HDAC11: variants seen among roughly 807,000 people sequenced by gnomAD.
HDAC11 encodes histone deacetylase 11.
HDAC11 carries 23 observed loss-of-function variants against 41.1 expected under a neutral mutation model. The observed-to-expected ratio is 0.56, with a 90% CI of 0.40 to 0.79. The LOEUF is 0.79. Ranked by LOEUF, HDAC11 falls within the 30% of genes least tolerant of loss-of-function variation. HDAC11 has a pLI of 0.00. For missense variants in HDAC11, 402 were observed against 477.3 expected, an observed-to-expected ratio of 0.84 and a Z score of 1.47; for synonymous variants, 187 against 186.6, an observed-to-expected ratio of 1.00 and a Z score of -0.02.
In HDAC11 at chr3:13,480,389, G is replaced by T; in HGVS notation, c.2+40G>T. ...GCGAGGGCGGGGGTGGGCTCCCAGG[G>T]GTCCCGGTGGGCGGGCGCGCTAGGG... is the stretch of plus-strand genomic sequence containing the variant. On this transcript the variant is annotated intron_variant, in intron 1 of 9. Transcript: ENST00000295757. The surrounding 1 kb of genome is among the most constrained non-coding windows in gnomAD (Gnocchi z 4.6). The T allele has an allele frequency of 2.6e-6, 3 of 1,167,126 alleles. No homozygotes were observed. Among genetic ancestry groups the T allele is most frequent in the Non-Finnish European group, 3.2e-6 (3 of 936,182 alleles). The allele number at this position is 1,167,126 out of a possible 1,614,324, so 72.3% of individuals were successfully genotyped here. A position where few individuals can be genotyped will look rare whatever the true frequency, so the allele number is the denominator to read the frequency against.
chr3:13,496,677 C>T, intron 3 of HDAC11, 59 bp from the exon 4 acceptor site: 2 of 1,150,044 alleles, frequency 1.7e-6, no homozygotes, highest in East Asian at 2.6e-5. Context: ...GAACCAATTT[C>T]TCACGGGTTG....
intron 3 of HDAC11, among the ~76,000 whole-genome samples, chr3:13,492,409 C>T (rs374428464): frequency 2.6e-5 from 4 of 152,190 alleles, no homozygotes; most frequent in East Asian, 3.8e-4. Context: ...TGAGCAGACG[C>T]GTGCTGTCCT....
chr3:13,498,391 C>T, intron 4 of HDAC11, 122 bp from the exon 5 acceptor site: 3 of 1,234,520 alleles, frequency 2.4e-6, no homozygotes, highest in Non-Finnish European at 3.5e-6. Context: ...CCTTGTAGCT[C>T]AGCTCATCCT....
intron 3 of HDAC11, among the ~76,000 whole-genome samples, chr3:13,487,579 A>C (rs1280544591): frequency 6.6e-6 from 1 of 152,170 alleles, no homozygotes; most frequent in African/African-American, 2.4e-5. Context: ...TGAGCTCCCC[A>C]GTGCCCCAGC....
chr3:13,487,817 G>A (rs1383097738), intron 3 of HDAC11, among the ~76,000 whole-genome samples: 1 of 152,104 alleles, frequency 6.6e-6, no homozygotes, highest in Non-Finnish European at 1.5e-5. Context: ...GCATTTAGGT[G>A]GGAGAGTCAG....
rs375249479 is a variant in HDAC11, at chr3:13,490,345, A to G, written c.253-6391A>G. ...GCTGTTTGAGGTCCCTTGAGATTCC[A>G]TGTGAATTATAGCATCAACTTCCAT... On this transcript the variant is annotated intron_variant, in intron 3 of 9. Coordinates refer to ENST00000295757, the MANE Select transcript of HDAC11 (RefSeq NM_024827.4). Among the ~76,000 whole-genome samples the G allele has an allele frequency of 4.6e-5, 7 of 152,232 alleles. No individual in the cohort carries two copies. The East Asian group carries it at 7.7e-4, about 17-fold the overall frequency.
intron 2 of HDAC11, among the ~76,000 whole-genome samples, 175 bp downstream of exon 2, chr3:13,481,569 A>G (rs955360204): frequency 2.6e-5 from 4 of 152,044 alleles, no homozygotes; most frequent in Admixed American, 6.6e-5. Flanking sequence ...CCTAATCACG[A>G]TATGATGTCC....
chr3:13,480,335 G>A lies in HDAC11; in HGVS notation c.-13G>A, dbSNP rs1445787597. 8.2e-7 allele frequency: 1 copy of A among 1,225,318 alleles called. No individual in the cohort carries two copies. Among genetic ancestry groups the A allele is most frequent in the Non-Finnish European group, 1.0e-6 (1 of 983,724 alleles). 75.9% of individuals were successfully genotyped at this position (1,225,318 alleles called of 1,614,324 possible). On this transcript the variant is annotated 5_prime_UTR_variant, in exon 1 of 10. Coordinates refer to ENST00000295757, the MANE Select transcript of HDAC11 (RefSeq NM_024827.4). The surrounding 1 kb of genome is among the most constrained non-coding windows in gnomAD (Gnocchi z 4.6). ...GCGGAGCTGCGGCCAGCTTTGGGAG[G>A]GCCGGCCCCGGGATGTGAGTGCCGC...
intron 2 of HDAC11, among the ~76,000 whole-genome samples, chr3:13,482,849 A>G (rs1472757846): frequency 1.3e-5 from 2 of 152,152 alleles, no homozygotes; most frequent in Non-Finnish European, 2.9e-5. Context: ...CCCAGGCTAG[A>G]GTGCAGTGGC....
chr3:13,490,499 T>C (rs944071283), intron 3 of HDAC11, among the ~76,000 whole-genome samples: 2 of 152,192 alleles, frequency 1.3e-5, no homozygotes, highest in Non-Finnish European at 2.9e-5. Flanking sequence ...CGTTTATTTA[T>C]GTCTTTAATT....
In HDAC11 at chr3:13,506,342, A is replaced by C. The variant is rs879866513; in HGVS notation, c.*1659A>C. On this transcript the variant is annotated 3_prime_UTR_variant, in exon 10 of 10. Transcript: ENST00000295757. The stretch of plus-strand genomic sequence containing the variant: ...TCCCTACCTCCTAGGGGTGAAAGGA[A>C]ATGAAAATGGAAAGTTCTTGTAGCG... 2.0e-5 allele frequency: 3 copies of C among 152,244 alleles called. No homozygotes were observed. Among genetic ancestry groups the C allele is most frequent in the Non-Finnish European group, 1.5e-5 (1 of 68,088 alleles). The allele number at this position is 152,244 out of a possible 1,614,324, so 9.4% of individuals were successfully genotyped here.
chr3:13,503,059 GCCCTGCAGAAGCCA>G, intron 8 of HDAC11, 79 bp downstream of exon 8: 1 of 1,094,324 alleles, frequency 9.1e-7, no homozygotes, highest in Non-Finnish European at 1.4e-6. Flanking sequence ...TGTCTGCTAG[GCCCTGCAGAAGCCA>G]CTGCAGTGGT....
chr3:13,492,306 C>T (rs1306646586), intron 3 of HDAC11, among the ~76,000 whole-genome samples: 2 of 152,202 alleles, frequency 1.3e-5, no homozygotes, highest in Non-Finnish European at 2.9e-5. Flanking sequence ...AGGAGAAGGG[C>T]TCTGGTGCAC....
intron 3 of HDAC11, among the ~76,000 whole-genome samples, chr3:13,489,661 G>C (rs974488588): frequency 1.5e-4 from 23 of 152,252 alleles, no homozygotes; most frequent in Admixed American, 3.9e-4. Flanking sequence ...CCGTCTCCTG[G>C]GTTCAAGCAA....
intron 4 of HDAC11, among the ~76,000 whole-genome samples, chr3:13,497,861 T>TC (rs1559378628): frequency 7.1e-6 from 1 of 141,784 alleles, no homozygotes; most frequent in Admixed American, 7.0e-5. Flanking sequence ...TTGCTTTTTT[T>TC]TTTTTTTTTT....
Position 13,506,004 on chromosome 3 carries a change from G to C in HDAC11, c.*1321G>C, listed in dbSNP as rs186429133. 1.3e-5 allele frequency: 2 copies of C among 152,346 alleles called. No individual in the cohort carries two copies. Among genetic ancestry groups the C allele is most frequent in the East Asian group, 3.9e-4 (2 of 5,180 alleles). 9.4% of individuals were successfully genotyped at this position (152,346 alleles called of 1,614,324 possible). A position where few individuals can be genotyped will look rare whatever the true frequency, so the allele number is the denominator to read the frequency against. On this transcript the variant is annotated 3_prime_UTR_variant, in exon 10 of 10. Transcript: ENST00000295757. ...GACTTGTGTTCATTACAGTGAGGGG[G>C]TGCTCCCACTGTCTCCCGGCCTCCC...
intron 3 of HDAC11, among the ~76,000 whole-genome samples, chr3:13,485,990 G>T (rs1000337717): frequency 6.0e-4 from 48 of 79,854 alleles, no homozygotes; most frequent in Admixed American, 1.2e-3. Flanking sequence ...GAAGTAGGCC[G>T]GGTGCAGTGA....
At chr3:13,495,494 G>A (rs1702054789) in intron 3 of HDAC11, among the ~76,000 whole-genome samples, 1 of 152,132 alleles carries the variant, frequency 6.6e-6, no homozygotes, top group Non-Finnish European at 1.5e-5. Context: ...GTCCCTGCAT[G>A]CTGCCTGCTA....
At chr3:13,494,949 C>T (rs574417012) in intron 3 of HDAC11, among the ~76,000 whole-genome samples, 1 of 152,234 alleles carries the variant, frequency 6.6e-6, no homozygotes, top group African/African-American at 2.4e-5. Flanking sequence ...TTCGTCACCC[C>T]TCTGCCATCA....
Sources: gnomAD v4.1 joint callset for allele counts (sites outside exome capture counted in the v4.1 genomes callset) on GRCh38, gnomAD v4.1.1 for gene constraint, Gnocchi (gnomAD v3.1) non-coding constraint, MANE v1.5 for transcripts, NCBI Gene and HGNC (gene_info 2026-07-23, HGNC 2026-07-21) for gene names.